CLYBL: variants seen among roughly 807,000 people sequenced by gnomAD.
CLYBL encodes citramalyl-CoA lyase, mitochondrial.
In CLYBL, 31 loss-of-function variants were observed where a neutral mutation model predicts 38.9. That is an observed-to-expected ratio of 0.80 (90% CI 0.60 to 1.08). The LOEUF (loss-of-function observed/expected upper bound fraction) is 1.08, where lower values mean the gene tolerates loss of function less well. Ranked by LOEUF, CLYBL falls within the 50% of genes least tolerant of loss-of-function variation. CLYBL has a pLI of 0.00. For synonymous variants in CLYBL, 171 were observed against 158.6 expected (o/e 1.08, Z -0.59); for missense variants, 434 against 411.6 (o/e 1.05, Z -0.47).
chr13:99,873,725 G>A (rs1009700572), intron 7 of CLYBL, among the ~76,000 whole-genome samples: 2 of 152,158 alleles, frequency 1.3e-5, no homozygotes, highest in African/African-American at 4.8e-5. Context: ...TGAGCCATTT[G>A]TGTTTTCTAT....
At chr13:99,678,939 C>A (rs2047692444) in intron 1 of CLYBL, among the ~76,000 whole-genome samples, 1 of 152,066 alleles carries the variant, frequency 6.6e-6, no homozygotes. Context: ...ACTTAGGTAA[C>A]CATTGTTTCT....
At position 99,833,019 on chromosome 13, in the gene CLYBL, T is replaced by TATACATAC. The variant is rs1299846100; in HGVS notation, c.250-25839_250-25838insCATACATA. 4.9e-3 allele frequency among the ~76,000 whole-genome samples: 185 copies of TATACATAC among 37,650 alleles called. 5 individuals carry two copies. Among genetic ancestry groups the TATACATAC allele is most frequent in the Non-Finnish European group, 7.8e-3 (150 of 19,124 alleles). The allele number at this position is 37,650 out of a possible 152,430, so 24.7% of individuals were successfully genotyped here. A position where few individuals can be genotyped will look rare whatever the true frequency, so the allele number is the denominator to read the frequency against. On this transcript the variant is annotated intron_variant, in intron 2 of 8. Transcript: ENST00000339105. Reference sequence around the variant, plus strand: ...ACATACATACATACATATATATATATATATATATATATTTTTTTTTTTTTT... The same window carrying TATACATAC: ...ACATACATACATACATATATATATATATACATACATATATATATATTTTTTTTTTTTTT...
intron 7 of CLYBL, chr13:99,884,896 C>T: frequency 4.4e-6 from 2 of 453,210 alleles, no homozygotes; most frequent in Non-Finnish European, 4.6e-6. Context: ...CAGACAACTA[C>T]AGTCCCTTCC....
chr13:99,799,377 T>TCACACACACA (rs142411916), intron 2 of CLYBL, among the ~76,000 whole-genome samples: 1,596 of 150,092 alleles, frequency 0.011, 13 homozygotes, highest in East Asian at 0.041. Context: ...ATACACACAT[T>TCACACACACA]CACACACACA....
At chr13:99,676,173 C>T (rs56055336) in intron 1 of CLYBL, among the ~76,000 whole-genome samples, 44,902 of 149,118 alleles carry the variant, frequency 0.3, 8,068 homozygotes, top group Middle Eastern at 0.44. Flanking sequence ...GGCTTCCTTC[C>T]TTCCCTCCGT....
intron 1 of CLYBL, among the ~76,000 whole-genome samples, chr13:99,715,951 T>G (rs1379438758): frequency 6.6e-6 from 1 of 152,136 alleles, no homozygotes; most frequent in East Asian, 1.9e-4. Flanking sequence ...CATTGTGGGT[T>G]TTAGAAAGAA....
intron 1 of CLYBL, among the ~76,000 whole-genome samples, chr13:99,701,164 A>G (rs1219597320): frequency 2.0e-5 from 3 of 152,224 alleles, no homozygotes; most frequent in African/African-American, 4.8e-5. Flanking sequence ...CCAAAAGTAC[A>G]TAGGAGGTTG....
intron 1 of CLYBL, among the ~76,000 whole-genome samples, chr13:99,652,201 A>G (rs1286589808): frequency 6.6e-6 from 1 of 152,150 alleles, no homozygotes; most frequent in Non-Finnish European, 1.5e-5. Flanking sequence ...TGGCTCTGGG[A>G]GAGCTGGGCT....
intron 1 of CLYBL, among the ~76,000 whole-genome samples, chr13:99,732,890 G>GTTGAAT (rs2048614199): frequency 6.6e-6 from 1 of 151,966 alleles, no homozygotes; most frequent in Non-Finnish European, 1.5e-5. Flanking sequence ...GAAGCACATT[G>GTTGAAT]GTTTGTAGGT....
chr13:99,855,603 G>A (rs911967305), intron 2 of CLYBL, among the ~76,000 whole-genome samples: 1 of 152,028 alleles, frequency 6.6e-6, no homozygotes, highest in Non-Finnish European at 1.5e-5. Flanking sequence ...CAGAGAGAGG[G>A]AAAAAGAGAA....
At chr13:99,746,169 A>T (rs572600273) in intron 1 of CLYBL, among the ~76,000 whole-genome samples, 1 of 152,200 alleles carries the variant, frequency 6.6e-6, no homozygotes, top group East Asian at 1.9e-4. Context: ...CATTAATTTG[A>T]CACGTTTAGC....
chr13:99,721,602 T>C (rs899607453), intron 1 of CLYBL, among the ~76,000 whole-genome samples: 12 of 151,744 alleles, frequency 7.9e-5, no homozygotes, highest in Non-Finnish European at 1.2e-4. Context: ...ACATTAGTTA[T>C]ATCTCCTAAT....
At chr13:99,813,715 G>T (rs781403708) in intron 2 of CLYBL, among the ~76,000 whole-genome samples, 1 of 152,178 alleles carries the variant, frequency 6.6e-6, no homozygotes, top group Non-Finnish European at 1.5e-5. Flanking sequence ...ATCAGAATAT[G>T]CATGTAAAAT....
chr13:99,859,147 G>T, intron 3 of CLYBL, 98 bp downstream of exon 3: 1 of 834,832 alleles, frequency 1.2e-6, no homozygotes, highest in Non-Finnish European at 1.8e-6. Flanking sequence ...AATGCATGCA[G>T]AGAGCAGAGA....
Position 99,858,912 on chromosome 13 carries a change from C to T in CLYBL, c.301C>T (p.Pro101Ser), listed in dbSNP as rs749855204. The T allele has an allele frequency of 5.6e-6, 9 of 1,613,698 alleles. No individual in the cohort carries two copies. The highest frequency in any genetic ancestry group is 1.6e-4 in the Middle Eastern group (1 of 6,082). The change falls in exon 3 of 9, where the codon CCT (proline) becomes TCT (serine). Residue 101 changes from proline to serine, a missense_variant. Coordinates refer to ENST00000339105, the MANE Select transcript of CLYBL (RefSeq NM_206808.5). Reference protein sequence around the residue: ...VKTLEDIDLGPTEKCVRVNSV... With the variant: ...VKTLEDIDLGSTEKCVRVNSV... ...AACTCTTGAAGACATTGATCTGGGC[C>T]CTACTGAAAAATGTGTGAGAGTCAA...
chr13:99,842,674 A>T (rs956239816), intron 2 of CLYBL, among the ~76,000 whole-genome samples: 1 of 151,964 alleles, frequency 6.6e-6, no homozygotes, highest in Admixed American at 6.6e-5. Context: ...GTGGGTGTGC[A>T]CAGGAAATGG....
chr13:99,616,474 C>T (rs1303699639), intron 1 of CLYBL, among the ~76,000 whole-genome samples: 1 of 152,126 alleles, frequency 6.6e-6, no homozygotes, highest in Non-Finnish European at 1.5e-5. Context: ...TTAGTCTGTT[C>T]CAGGTTCATT....
At chr13:99,672,001 G>A (rs2047572643) in intron 1 of CLYBL, among the ~76,000 whole-genome samples, 3 of 152,068 alleles carry the variant, frequency 2.0e-5, no homozygotes, top group Non-Finnish European at 2.9e-5. Flanking sequence ...TCTGAGGCAG[G>A]CACTACAGGC....
chr13:99,641,753 A>G (rs11842082), intron 1 of CLYBL, among the ~76,000 whole-genome samples: 1 of 151,958 alleles, frequency 6.6e-6, no homozygotes, highest in Non-Finnish European at 1.5e-5. Flanking sequence ...TGGAGCTTGC[A>G]GTGAGCTGAG....
Sources: allele counts gnomAD v4.1 joint callset (sites outside exome capture counted in the v4.1 genomes callset), GRCh38; gene constraint gnomAD v4.1.1; transcripts MANE v1.5; gene names NCBI Gene and HGNC (gene_info 2026-07-23, HGNC 2026-07-21).